DLC1: variants seen among roughly 807,000 people sequenced by gnomAD.
DLC1 encodes the protein DLC1 Rho GTPase activating protein.
Under a neutral mutation model 140.3 loss-of-function variants are expected in DLC1, and 54 were observed. The observed-to-expected ratio is 0.38, with a 90% CI of 0.31 to 0.48. The LOEUF (loss-of-function observed/expected upper bound fraction) is 0.48. DLC1 is among the 20% of genes least tolerant of loss of function. The pLI, the probability that DLC1 is intolerant of heterozygous loss-of-function variation, is 0.96. For synonymous variants in DLC1, 986 were observed against 728.1 expected (o/e 1.35, Z -5.70); for missense variants, 2,536 against 1,907.0 (o/e 1.33, Z -6.14).
intron 1 of DLC1, among the ~76,000 whole-genome samples, chr8:13,583,032 T>C (rs996995178): frequency 1.1e-4 from 16 of 151,716 alleles, no homozygotes; most frequent in Non-Finnish European, 8.8e-5. Context: ...TTTTTGCCGG[T>C]GGAGGGTCCT....
intron 5 of DLC1, among the ~76,000 whole-genome samples, chr8:13,134,367 G>T (rs1239880920): frequency 6.6e-6 from 1 of 152,194 alleles, no homozygotes; most frequent in African/African-American, 2.4e-5. Flanking sequence ...TGTAGACTGG[G>T]AGATACAGAA....
intron 5 of DLC1, among the ~76,000 whole-genome samples, chr8:13,289,170 C>T (rs747439372): frequency 1.3e-5 from 2 of 152,012 alleles, no homozygotes; most frequent in Non-Finnish European, 2.9e-5. Context: ...CCCCAAATAC[C>T]CTCCATCTCA....
chr8:13,479,033 G>A (rs1800564587), intron 2 of DLC1, among the ~76,000 whole-genome samples: 1 of 152,150 alleles, frequency 6.6e-6, no homozygotes, highest in Non-Finnish European at 1.5e-5. Flanking sequence ...CCAGCTTCTA[G>A]GATTCCACTC....
rs541932072 is a variant in DLC1, at chr8:13,347,963, C to G, written c.1315-42661G>C. Among the ~76,000 whole-genome samples the G allele has an allele frequency of 7.2e-5, 11 of 152,224 alleles. No individual in the cohort carries two copies. In the East Asian group the frequency reaches 1.7e-3, roughly 24 times the overall value. On this transcript the variant is annotated intron_variant, in intron 4 of 17. Coordinates refer to ENST00000276297, the MANE Select transcript of DLC1 (RefSeq NM_182643.3). ...AATTAGCCGGGCATGGTGGCAGGCA[C>G]CTGTAGTCCCAGCTACTTGGGAGGT...
At chr8:13,239,242 G>GT (rs1342095018) in intron 5 of DLC1, among the ~76,000 whole-genome samples, 1 of 152,136 alleles carries the variant, frequency 6.6e-6, no homozygotes. Flanking sequence ...GCTTCTTAGA[G>GT]TAAGAGCTTG....
At chr8:13,598,936 A>G (rs963095512) in intron 1 of DLC1, among the ~76,000 whole-genome samples, 7 of 151,938 alleles carry the variant, frequency 4.6e-5, no homozygotes, top group African/African-American at 1.4e-4. Flanking sequence ...GAAATTGTAT[A>G]TGTAATATAC....
At chr8:13,310,172 A>G (rs1442344084) in intron 4 of DLC1, among the ~76,000 whole-genome samples, 1 of 152,170 alleles carries the variant, frequency 6.6e-6, no homozygotes, top group African/African-American at 2.4e-5. Flanking sequence ...GTCCTGCAGT[A>G]CACAAACAGA....
chr8:13,206,119 T>C (rs559018323), intron 5 of DLC1, among the ~76,000 whole-genome samples: 12 of 152,338 alleles, frequency 7.9e-5, no homozygotes, highest in African/African-American at 2.9e-4. Flanking sequence ...ATTTCTCCTG[T>C]GATGTTTAGT....
chr8:13,162,421 C>T lies in DLC1; in HGVS notation c.1349-46764G>A, dbSNP rs1824773839. Among the ~76,000 whole-genome samples the T allele has an allele frequency of 2.0e-5, 3 of 152,280 alleles. No homozygotes were observed. In the South Asian group the frequency reaches 6.2e-4, roughly 32 times the overall value. ...CACTGCGTCCTCCGCCTCCCAGGTT[C>T]AAGAGATTTTCCTGCCTCAGCCTTC... On this transcript the variant is annotated intron_variant, in intron 5 of 17. Transcript: ENST00000276297.
chr8:13,380,141 A>G (rs182348828), intron 4 of DLC1, among the ~76,000 whole-genome samples: 2 of 152,190 alleles, frequency 1.3e-5, no homozygotes, highest in Non-Finnish European at 2.9e-5. Flanking sequence ...TTTCATTAGC[A>G]CTTGCTAGAA....
chr8:13,371,497 T>A (rs1197618671), intron 4 of DLC1, among the ~76,000 whole-genome samples: 1 of 152,058 alleles, frequency 6.6e-6, no homozygotes, highest in African/African-American at 2.4e-5. Flanking sequence ...AACATGTAAG[T>A]CCATGTACCT....
chr8:13,494,995 C>A (rs951267129), intron 2 of DLC1, among the ~76,000 whole-genome samples: 3 of 151,966 alleles, frequency 2.0e-5, no homozygotes, highest in African/African-American at 7.3e-5. Context: ...TAAACTAAGA[C>A]CCTAACATTC....
intron 5 of DLC1, among the ~76,000 whole-genome samples, chr8:13,227,330 T>A (rs1262187756): frequency 6.6e-6 from 1 of 152,192 alleles, no homozygotes; most frequent in African/African-American, 2.4e-5. Flanking sequence ...GTTTTATGTC[T>A]CGTACTTTAT....
intron 1 of DLC1, among the ~76,000 whole-genome samples, chr8:13,604,132 A>G (rs1334334211): frequency 6.6e-6 from 1 of 152,186 alleles, no homozygotes; most frequent in Non-Finnish European, 1.5e-5. Context: ...AGAGGTAGAA[A>G]CAAAAGTAAA....
chr8:13,366,588 C>G (rs1835491664), intron 4 of DLC1, among the ~76,000 whole-genome samples: 1 of 152,142 alleles, frequency 6.6e-6, no homozygotes, highest in South Asian at 2.1e-4. Context: ...GTTCTTGTTC[C>G]CAAGTTCAGA....
At chr8:13,550,288 C>G (rs893832218) in intron 1 of DLC1, among the ~76,000 whole-genome samples, 1 of 152,026 alleles carries the variant, frequency 6.6e-6, no homozygotes, top group Non-Finnish European at 1.5e-5. Context: ...GCTTCTCTCC[C>G]CTGCTGCCAT....
chr8:13,556,792 T>TC (rs1298357883), intron 1 of DLC1, among the ~76,000 whole-genome samples: 1 of 152,206 alleles, frequency 6.6e-6, no homozygotes, highest in Non-Finnish European at 1.5e-5. Context: ...GTGGATGCTG[T>TC]CAGAGACGCT....
At chr8:13,098,261 A>G (rs1818680711) in intron 10 of DLC1, 138 bp downstream of exon 10, 1 of 1,132,840 alleles carries the variant, frequency 8.8e-7, no homozygotes, top group Non-Finnish European at 1.3e-6. Flanking sequence ...AAAAATGCAG[A>G]GAGTGATTGC....
At chr8:13,186,519 C>T (rs181024340) in intron 5 of DLC1, among the ~76,000 whole-genome samples, 10 of 152,270 alleles carry the variant, frequency 6.6e-5, no homozygotes, top group East Asian at 5.8e-4. Context: ...AAGGTCTTCT[C>T]TACACTGTTT....
Sources: gnomAD v4.1 joint callset for allele counts (sites outside exome capture counted in the v4.1 genomes callset) on GRCh38, gnomAD v4.1.1 for gene constraint, MANE v1.5 for transcripts, NCBI Gene and HGNC (gene_info 2026-07-23, HGNC 2026-07-21) for gene names.